SNTG1: variants seen among roughly 807,000 people sequenced by gnomAD.
The protein encoded by SNTG1 is syntrophin gamma 1.
Under a neutral mutation model 74.7 loss-of-function variants are expected in SNTG1, and 39 were observed. The observed-to-expected ratio is 0.52, with a 90% CI of 0.40 to 0.68. The LOEUF is 0.68. Among genes scored for constraint, SNTG1 ranks in the 30% least tolerant of loss-of-function variants. The probability of loss-of-function intolerance (pLI) is 0.00; values close to 1 mark genes in which losing one functional copy is unlikely to be tolerated. For synonymous variants in SNTG1, 254 were observed against 217.1 expected (o/e 1.17, Z -1.49); for missense variants, 685 against 609.5 (o/e 1.12, Z -1.30).
intron 3 of SNTG1, among the ~76,000 whole-genome samples, chr8:50,400,780 G>A (rs1469515128): frequency 6.6e-6 from 1 of 152,070 alleles, no homozygotes; most frequent in Non-Finnish European, 1.5e-5. Context: ...TAGAATAGTG[G>A]TTACCACACA....
At chr8:50,783,869 G>T (rs576771290) in intron 18 of SNTG1, among the ~76,000 whole-genome samples, 1 of 152,234 alleles carries the variant, frequency 6.6e-6, no homozygotes, top group East Asian at 1.9e-4. Context: ...AGTTTTCACT[G>T]GTTCTTGGTA....
intron 2 of SNTG1, among the ~76,000 whole-genome samples, chr8:50,365,649 C>A (rs2092087761): frequency 6.6e-6 from 1 of 151,986 alleles, no homozygotes; most frequent in African/African-American, 2.4e-5. Context: ...AGAATGGATA[C>A]AGCAAATTGA....
chr8:50,288,342 A>T (rs78053255), intron 2 of SNTG1, among the ~76,000 whole-genome samples: 10,608 of 152,274 alleles, frequency 0.07, 412 homozygotes, highest in African/African-American at 0.085. Flanking sequence ...ACAAAAAAAA[A>T]TTAAATATTT....
intron 2 of SNTG1, among the ~76,000 whole-genome samples, chr8:50,185,949 G>A (rs1346869822): frequency 6.6e-6 from 1 of 151,932 alleles, no homozygotes; most frequent in Non-Finnish European, 1.5e-5. Context: ...CGTCATCTAG[G>A]TTTTAAGCCC....
chr8:50,059,197 T>C (rs924089063), intron 1 of SNTG1, among the ~76,000 whole-genome samples: 2 of 152,132 alleles, frequency 1.3e-5, no homozygotes, highest in Non-Finnish European at 2.9e-5. Flanking sequence ...TGAATAAAGC[T>C]GATATAAACA....
At chr8:50,426,611 G>A (rs1233888494) in intron 4 of SNTG1, among the ~76,000 whole-genome samples, 1 of 151,712 alleles carries the variant, frequency 6.6e-6, no homozygotes, top group East Asian at 1.9e-4. Context: ...AGTAAAAAAT[G>A]TTACAATAGG....
intron 13 of SNTG1, among the ~76,000 whole-genome samples, chr8:50,625,658 T>C (rs926576382): frequency 6.6e-6 from 1 of 152,224 alleles, no homozygotes; most frequent in Non-Finnish European, 1.5e-5. Context: ...AGTAAATGAA[T>C]ACTTTAAATA....
chr8:49,970,985 T>C (rs1050615307), intron 1 of SNTG1, among the ~76,000 whole-genome samples: 4 of 152,100 alleles, frequency 2.6e-5, no homozygotes, highest in Non-Finnish European at 4.4e-5. Context: ...TTCCAATCAA[T>C]AGAAAAAGAG....
At chr8:50,332,294 G>GA (rs2090995145) in intron 2 of SNTG1, among the ~76,000 whole-genome samples, 3 of 151,968 alleles carry the variant, frequency 2.0e-5, no homozygotes, top group Admixed American at 2.0e-4. Flanking sequence ...TTTTCCAGAA[G>GA]AAAAAATTGA....
At chr8:49,954,068 G>A (rs1220591698) in intron 1 of SNTG1, among the ~76,000 whole-genome samples, 1 of 152,118 alleles carries the variant, frequency 6.6e-6, no homozygotes, top group Non-Finnish European at 1.5e-5. Flanking sequence ...AATTGTAGAA[G>A]ACAAGATTAG....
intron 18 of SNTG1, among the ~76,000 whole-genome samples, chr8:50,773,462 C>G (rs1428544564): frequency 6.6e-6 from 1 of 152,046 alleles, no homozygotes; most frequent in Admixed American, 6.6e-5. Flanking sequence ...AGAAGTGCCA[C>G]AAAACACACA....
At chr8:50,589,093 C>T (rs562292639) in intron 12 of SNTG1, among the ~76,000 whole-genome samples, 68 of 152,130 alleles carry the variant, frequency 4.5e-4, no homozygotes, top group African/African-American at 1.5e-3. Flanking sequence ...ATTGCTCCCA[C>T]TTTCTTGCCT....
chr8:50,426,159 A>T (rs1247616515), intron 4 of SNTG1, among the ~76,000 whole-genome samples: 2 of 152,138 alleles, frequency 1.3e-5, no homozygotes, highest in Non-Finnish European at 2.9e-5. Context: ...TCCATAGTGT[A>T]TTTAGATTTT....
chr8:50,312,217 T>G (rs986476356), intron 2 of SNTG1, among the ~76,000 whole-genome samples: 1 of 152,094 alleles, frequency 6.6e-6, no homozygotes, highest in African/African-American at 2.4e-5. Flanking sequence ...TATCTGGGAT[T>G]TCAGTGATAT....
intron 4 of SNTG1, 59 bp from the exon 5 acceptor site, chr8:50,438,484 A>G (rs1243979828): frequency 9.6e-6 from 14 of 1,465,330 alleles, no homozygotes; most frequent in Admixed American, 1.8e-5. Context: ...ACAACAAAAA[A>G]TGGTGTGTAA....
At chr8:50,062,282 G>A (rs1252708527) in intron 1 of SNTG1, among the ~76,000 whole-genome samples, 2 of 152,058 alleles carry the variant, frequency 1.3e-5, no homozygotes, top group African/African-American at 4.8e-5. Context: ...CCTGACCTCA[G>A]GTGATATGCC....
rs569331784 is a variant in SNTG1, at chr8:50,690,700, G to T, written c.1039-13900G>T. Among the ~76,000 whole-genome samples the T allele has an allele frequency of 2.0e-5, 3 of 152,296 alleles. No homozygotes were observed. The South Asian group carries it at 6.2e-4, about 32-fold the overall frequency. On this transcript the variant is annotated intron_variant, in intron 15 of 18. Coordinates refer to ENST00000642720, the MANE Select transcript of SNTG1 (RefSeq NM_018967.5). ...GTCAATTTTGGAGTAGGTGTGGTGTGGTGCTGAAAAGAATGTATATTCTGT... is the reference window on the plus strand; with the variant it reads ...GTCAATTTTGGAGTAGGTGTGGTGTTGTGCTGAAAAGAATGTATATTCTGT...
At chr8:50,602,567 T>C (rs893087477) in intron 13 of SNTG1, among the ~76,000 whole-genome samples, 4 of 152,196 alleles carry the variant, frequency 2.6e-5, no homozygotes, top group Non-Finnish European at 5.9e-5. Context: ...TAATAGTTTG[T>C]GTTTTTCTGT....
intron 15 of SNTG1, among the ~76,000 whole-genome samples, chr8:50,689,977 G>C (rs1309700042): frequency 1.3e-5 from 2 of 152,188 alleles, no homozygotes; most frequent in Non-Finnish European, 2.9e-5. Flanking sequence ...TTAGTCTTGG[G>C]AGGATGTATG....
Sources: allele counts gnomAD v4.1 joint callset (sites outside exome capture counted in the v4.1 genomes callset), GRCh38; gene constraint gnomAD v4.1.1; transcripts MANE v1.5; gene names NCBI Gene and HGNC (gene_info 2026-07-23, HGNC 2026-07-21).